Variants in SPMIP3 observed in about 807,000 individuals in gnomAD.
SPMIP3 encodes protein SPMIP3.
chr1:244,354,754 A>G, the SPMIP3 span, among the ~76,000 whole-genome samples: 60,868 of 152,164 alleles, frequency 0.4, 12,746 homozygotes, highest in Middle Eastern at 0.5. Context: ...AAAGTCCTTC[A>G]CCTTGAGGAA....
the SPMIP3 span, among the ~76,000 whole-genome samples, chr1:244,387,033 G>A: frequency 1.3e-5 from 2 of 152,244 alleles, no homozygotes; most frequent in Non-Finnish European, 2.9e-5. Flanking sequence ...GCCGGGCGCA[G>A]TGGCTCACAC....
chr1:244,362,735 A>G, the SPMIP3 span, among the ~76,000 whole-genome samples: 62 of 152,266 alleles, frequency 4.1e-4, no homozygotes, highest in Admixed American at 3.8e-3. Flanking sequence ...CTATGCATAC[A>G]TAATAGATAT....
At chr1:244,368,917 A>T in the SPMIP3 span, among the ~76,000 whole-genome samples, 112,692 of 152,198 alleles carry the variant, frequency 0.74, 41,976 homozygotes, top group East Asian at 0.92. Context: ...TCCCAGCACT[A>T]TGGCAGGCGA....
chr1:244,360,560 G>GCACA, the SPMIP3 span, among the ~76,000 whole-genome samples: 8 of 10,430 alleles, frequency 7.7e-4, no homozygotes, highest in East Asian at 5.2e-3. Context: ...ACACACACAT[G>GCACA]CATGCATGGA....
the SPMIP3 span, among the ~76,000 whole-genome samples, chr1:244,370,382 C>T: frequency 2.0e-5 from 3 of 152,180 alleles, no homozygotes; most frequent in East Asian, 1.9e-4. Flanking sequence ...GACTTACTAG[C>T]TCATGTCCTT....
chr1:244,362,193 G>A, the SPMIP3 span, among the ~76,000 whole-genome samples: 10 of 152,200 alleles, frequency 6.6e-5, 1 homozygote, highest in East Asian at 1.9e-4. Flanking sequence ...TGAGTTAACC[G>A]TTGTCTATGA....
At chr1:244,381,631 G>T in the SPMIP3 span, among the ~76,000 whole-genome samples, 1 of 152,124 alleles carries the variant, frequency 6.6e-6, no homozygotes, top group Non-Finnish European at 1.5e-5. Context: ...AAATAGAGGT[G>T]CAGGAGTTGA....
At chr1:244,374,000 C>G in the SPMIP3 span, among the ~76,000 whole-genome samples, 5 of 152,034 alleles carry the variant, frequency 3.3e-5, no homozygotes, top group Admixed American at 3.3e-4. Context: ...GTAATTCCAG[C>G]TACTCGGGAG....
chr1:244,366,320 A>G, the SPMIP3 span, among the ~76,000 whole-genome samples: 25 of 152,228 alleles, frequency 1.6e-4, 1 homozygote, highest in East Asian at 4.4e-3. Context: ...TAGGGCTACA[A>G]GCTGCCTGGC....
the SPMIP3 span, among the ~76,000 whole-genome samples, chr1:244,363,393 G>A: frequency 1.7e-5 from 2 of 120,342 alleles, no homozygotes; most frequent in Admixed American, 9.7e-5. Context: ...AGGCGACAGA[G>A]TGAGGCCCTG....
chr1:244,377,804 G>T, the SPMIP3 span, among the ~76,000 whole-genome samples: 2 of 152,176 alleles, frequency 1.3e-5, no homozygotes, highest in East Asian at 3.9e-4. Flanking sequence ...CTAACCAGTT[G>T]TATTGATTCC....
chr1:244,363,077 T>C, the SPMIP3 span, among the ~76,000 whole-genome samples: 8 of 151,556 alleles, frequency 5.3e-5, no homozygotes, highest in Admixed American at 2.6e-4. Context: ...TTAAATGTAG[T>C]AGTTTGCTTG....
the SPMIP3 span, among the ~76,000 whole-genome samples, chr1:244,369,154 G>A: frequency 3.3e-5 from 5 of 151,626 alleles, no homozygotes; most frequent in South Asian, 2.1e-4. Flanking sequence ...GCCAGACTCC[G>A]TCTCAAAAAA....
chr1:244,360,547 CACACACACACATGCATGCAT>C, the SPMIP3 span, among the ~76,000 whole-genome samples: 4 of 63,082 alleles, frequency 6.3e-5, no homozygotes, highest in South Asian at 2.8e-3. Flanking sequence ...CACACACACA[CACACACACACATGCATGCAT>C]GGAATATTAT....
chr1:244,386,379 T>A, the SPMIP3 span, among the ~76,000 whole-genome samples: 1 of 152,200 alleles, frequency 6.6e-6, no homozygotes. Flanking sequence ...TGTCTGATGA[T>A]AAGGAAATCC....
the SPMIP3 span, chr1:244,378,775 T>A: frequency 1.0e-6 from 1 of 972,972 alleles, no homozygotes; most frequent in Non-Finnish European, 1.5e-6. Flanking sequence ...TGTGTGTGTG[T>A]GTTTCTGGGG....
the SPMIP3 span, among the ~76,000 whole-genome samples, chr1:244,372,180 T>G: frequency 6.6e-6 from 1 of 152,222 alleles, no homozygotes; most frequent in East Asian, 1.9e-4. Flanking sequence ...GTCCTAGATC[T>G]AGATACTCCT....
At chr1:244,385,848 T>G in the SPMIP3 span, among the ~76,000 whole-genome samples, 1 of 152,286 alleles carries the variant, frequency 6.6e-6, no homozygotes, top group Non-Finnish European at 1.5e-5. Context: ...AAATCATGCA[T>G]GATCAAAGTA....
At chr1:244,360,041 G>A in the SPMIP3 span, among the ~76,000 whole-genome samples, 20 of 152,008 alleles carry the variant, frequency 1.3e-4, no homozygotes, top group East Asian at 5.8e-4. Context: ...CCCGGGAGGC[G>A]GAGGTTGCAG....
Sources: gnomAD v4.1 joint callset for allele counts (sites outside exome capture counted in the v4.1 genomes callset) on GRCh38, gnomAD v4.1.1 for gene constraint, MANE v1.5 for transcripts, NCBI Gene and HGNC (gene_info 2026-07-23, HGNC 2026-07-21) for gene names.